The following ESRRB variants were observed in gnomAD, a reference collection of about 807,000 sequenced individuals.
ESRRB encodes estrogen related receptor beta, also known as steroid hormone receptor ERR2.
In ESRRB, 16 loss-of-function variants were observed where a neutral mutation model predicts 46.0. The ratio of observed to expected loss-of-function variants is 0.35; its 90% CI spans 0.24 to 0.53. The LOEUF is 0.53. ESRRB is among the 20% of genes least tolerant of loss of function. The pLI is 0.93. For missense variants in ESRRB, 488 were observed against 607.4 expected, an observed-to-expected ratio of 0.80 and a Z score of 2.07; for synonymous variants, 246 against 259.6, an observed-to-expected ratio of 0.95 and a Z score of 0.50.
chr14:76,466,352 C>T (rs1889110103), intron 3 of ESRRB, among the ~76,000 whole-genome samples: 1 of 152,256 alleles, frequency 6.6e-6, no homozygotes, highest in East Asian at 1.9e-4. Flanking sequence ...AATCAGAGAT[C>T]GTTTCCCAGT....
intron 1 of ESRRB, among the ~76,000 whole-genome samples, chr14:76,408,591 CAAAAAAAAAAAAAA>C (rs35955826): frequency 2.4e-5 from 1 of 42,118 alleles, no homozygotes; most frequent in South Asian, 8.4e-4. Context: ...GACCCTGTCT[CAAAAAAAAAAAAAA>C]AAAAAAAAAA....
chr14:76,424,330 A>T (rs1272709619), intron 1 of ESRRB, among the ~76,000 whole-genome samples: 1 of 152,086 alleles, frequency 6.6e-6, no homozygotes, highest in Non-Finnish European at 1.5e-5. Flanking sequence ...CATTTGCACA[A>T]AGACTGAAAA....
chr14:76,333,542 G>A (rs1884089684), intron 1 of ESRRB, among the ~76,000 whole-genome samples: 1 of 142,874 alleles, frequency 7.0e-6, no homozygotes, highest in South Asian at 2.1e-4. Context: ...TGCCCAGGCT[G>A]GTCTCAAACT....
chr14:76,498,645 ATGGGGGGGCAGGGG>A lies in ESRRB; in HGVS notation c.*190_*203del. On this transcript the variant is annotated 3_prime_UTR_variant, in exon 7 of 7. Coordinates refer to ENST00000644823, the MANE Select transcript of ESRRB (RefSeq NM_001379180.1). The stretch of plus-strand genomic sequence containing the variant: ...GGGTGCAGTGGGGTGGGGGACGGGG[ATGGGGGGGCAGGGG>A]TGTGGGGCTCGACTGTAACTGGCTT... The A allele has an allele frequency of 3.8e-6, 1 of 264,012 alleles. No individual in the cohort carries two copies. Among genetic ancestry groups the A allele is most frequent in the Non-Finnish European group, 7.5e-6 (1 of 133,868 alleles). The allele number at this position is 264,012 out of a possible 1,614,324, so 16.4% of individuals were successfully genotyped here.
chr14:76,500,064 C>T lies in ESRRB; in HGVS notation c.*1606C>T, dbSNP rs1468934340. 1 of 1,550,098 alleles carries T rather than the reference C, an allele frequency of 6.5e-7. No homozygotes were observed. Among genetic ancestry groups the T allele is most frequent in the East Asian group, 2.4e-5 (1 of 40,876 alleles). On this transcript the variant is annotated 3_prime_UTR_variant, in exon 7 of 7. Transcript: ENST00000644823. Reference sequence around the variant, plus strand: ...ACCCAGCACTAGGACACCAGGAGGCCAGGTAACTTTCTGCAGCTTTTCCAT... The same window carrying T: ...ACCCAGCACTAGGACACCAGGAGGCTAGGTAACTTTCTGCAGCTTTTCCAT...
intron 1 of ESRRB, among the ~76,000 whole-genome samples, chr14:76,399,113 G>A (rs1173580053): frequency 6.6e-6 from 1 of 152,164 alleles, no homozygotes; most frequent in African/African-American, 2.4e-5. Context: ...GGTCCAAACA[G>A]CAGATGTGGA....
Position 76,346,684 on chromosome 14 carries a change from G to T in ESRRB, c.2+35768G>T, listed in dbSNP as rs541144510. 2.0e-5 allele frequency among the ~76,000 whole-genome samples: 3 copies of T among 152,260 alleles called. No individual in the cohort carries two copies. In the East Asian group the frequency reaches 5.8e-4, roughly 29 times the overall value. On this transcript the variant is annotated intron_variant, in intron 1 of 6. Transcript: ENST00000512784. ...CCTCAACTGGGAGCTGCTTCTGGGG[G>T]CTGCTCCCCCACATGCCCAGACCAC...
intron 5 of ESRRB, 137 bp from the exon 6 acceptor site, chr14:76,491,310 G>A: frequency 1.3e-6 from 1 of 784,802 alleles, no homozygotes; most frequent in Non-Finnish European, 2.1e-6. Context: ...GGGAAAGCCT[G>A]GGGGCAGGAT....
intron 1 of ESRRB, among the ~76,000 whole-genome samples, chr14:76,358,322 AAAAAGAAAGAAAGAAAGAAAG>A (rs1566859584): frequency 2.6e-5 from 2 of 78,114 alleles, no homozygotes; most frequent in African/African-American, 4.5e-5. Context: ...AAAAAAAAAA[AAAAAGAAAGAAAGAAAGAAAG>A]AAAGAAAGAA....
chr14:76,423,927 G>C (rs1051390069), intron 1 of ESRRB, among the ~76,000 whole-genome samples: 2 of 152,138 alleles, frequency 1.3e-5, no homozygotes, highest in Non-Finnish European at 1.5e-5. Context: ...ACAGAGGTTG[G>C]GGGGCAGATC....
intron 1 of ESRRB, among the ~76,000 whole-genome samples, chr14:76,385,434 C>A (rs1307579591): frequency 6.6e-6 from 1 of 152,112 alleles, no homozygotes. Flanking sequence ...TAATAAAAAC[C>A]AATCAGTCTT....
chr14:76,366,720 T>G (rs1257247256), upstream of ESRRB, among the ~76,000 whole-genome samples: 1 of 152,078 alleles, frequency 6.6e-6, no homozygotes, highest in East Asian at 1.9e-4. Context: ...AGCAAGCCAG[T>G]GGAGAAGGGA....
upstream of ESRRB, chr14:76,371,474 A>T (rs934249930): frequency 2.6e-5 from 4 of 152,276 alleles, no homozygotes; most frequent in African/African-American, 9.7e-5. Flanking sequence ...CTGGCAATGG[A>T]AGCTCTTCCT....
At chr14:76,370,900 G>A (rs1884607594), upstream of ESRRB, among the ~76,000 whole-genome samples, 1 of 152,190 alleles carries the variant, frequency 6.6e-6, no homozygotes, top group Non-Finnish European at 1.5e-5. Context: ...TCAATCAGCT[G>A]TGGTGGTGAG....
chr14:76,442,816 C>CT (rs1245748328), intron 2 of ESRRB, among the ~76,000 whole-genome samples: 2,669 of 131,000 alleles, frequency 0.02, 61 homozygotes, highest in African/African-American at 0.048. Context: ...TCTTTTTTTT[C>CT]TTTTTTTTTT....
intron 1 of ESRRB, among the ~76,000 whole-genome samples, chr14:76,413,837 CG>C (rs1373304013): frequency 6.8e-6 from 1 of 146,990 alleles, no homozygotes; most frequent in African/African-American, 2.5e-5. Context: ...TCCCCCACCC[CG>C]TACCATCCTC....
chr14:76,447,772 C>A (rs756491901), intron 2 of ESRRB, among the ~76,000 whole-genome samples: 8 of 152,130 alleles, frequency 5.3e-5, no homozygotes, highest in Non-Finnish European at 7.4e-5. Flanking sequence ...TTCATTCTCC[C>A]TCCTTCAGAT....
intron 1 of ESRRB, among the ~76,000 whole-genome samples, chr14:76,343,719 C>A (rs1444524280): frequency 6.6e-6 from 1 of 152,232 alleles, no homozygotes; most frequent in Non-Finnish European, 1.5e-5. Context: ...AGCTGCATGG[C>A]TTCTTCTGAC....
At chr14:76,321,135 C>T (rs1883861861) in intron 1 of ESRRB, among the ~76,000 whole-genome samples, 1 of 152,180 alleles carries the variant, frequency 6.6e-6, no homozygotes, top group Non-Finnish European at 1.5e-5. Flanking sequence ...TACATATTCT[C>T]CCGTAAGTCC....
Sources: gnomAD v4.1 joint callset for allele counts (sites outside exome capture counted in the v4.1 genomes callset) on GRCh38, gnomAD v4.1.1 for gene constraint, MANE v1.5 for transcripts, NCBI Gene and HGNC (gene_info 2026-07-23, HGNC 2026-07-21) for gene names.